Variants in ERBB4 observed in about 807,000 individuals in gnomAD.
ERBB4 encodes the protein receptor tyrosine-protein kinase erbB-4.
A neutral mutation model predicts 158.0 loss-of-function variants in ERBB4; 42 were observed. The ratio of observed to expected loss-of-function variants is 0.27; its 90% CI spans 0.21 to 0.34. ERBB4 has a LOEUF of 0.34. Among genes scored for constraint, ERBB4 ranks in the 10% least tolerant of loss-of-function variants. The pLI is 1.00. For missense variants in ERBB4, 1,333 were observed against 1,624.1 expected (o/e 0.82, Z 3.08); for synonymous variants, 583 against 558.7 (o/e 1.04, Z -0.61).
At chr2:211,835,180 T>C (rs2077313252) in intron 3 of ERBB4, among the ~76,000 whole-genome samples, 1 of 152,134 alleles carries the variant, frequency 6.6e-6, no homozygotes, top group Non-Finnish European at 1.5e-5. Context: ...CTCTGCTTCA[T>C]TAACCATCTC....
chr2:212,310,447 T>TC (rs2086989002), intron 1 of ERBB4, among the ~76,000 whole-genome samples: 1 of 150,762 alleles, frequency 6.6e-6, no homozygotes, highest in South Asian at 2.1e-4. Context: ...TATTTGTTTT[T>TC]CTTTTTCATG....
chr2:211,968,072 T>C (rs1224587824), intron 2 of ERBB4, among the ~76,000 whole-genome samples: 5 of 152,032 alleles, frequency 3.3e-5, no homozygotes, highest in African/African-American at 1.2e-4. Context: ...AGAATATTCA[T>C]ATTAACTTAC....
At chr2:212,496,945 C>T (rs930267632) in intron 1 of ERBB4, among the ~76,000 whole-genome samples, 4 of 151,814 alleles carry the variant, frequency 2.6e-5, no homozygotes, top group African/African-American at 9.7e-5. Context: ...TTTGGGAGGC[C>T]GATGGGGGTG....
chr2:211,750,746 T>A (rs757175381), intron 4 of ERBB4, 42 bp from the exon 5 acceptor site: 10 of 1,535,998 alleles, frequency 6.5e-6, no homozygotes, highest in Non-Finnish European at 9.0e-6. Flanking sequence ...CACGTTATAA[T>A]CTTTCACTCC....
At chr2:211,969,761 A>G (rs1373748440) in intron 2 of ERBB4, among the ~76,000 whole-genome samples, 1 of 151,902 alleles carries the variant, frequency 6.6e-6, no homozygotes, top group Non-Finnish European at 1.5e-5. Flanking sequence ...GTCATTTTTT[A>G]CTGTGTTTAT....
intron 3 of ERBB4, among the ~76,000 whole-genome samples, chr2:211,789,698 G>A (rs2076240190): frequency 6.6e-6 from 1 of 152,144 alleles, no homozygotes; most frequent in Admixed American, 6.6e-5. Context: ...TATTGGGAAG[G>A]CAACCGACAC....
intron 1 of ERBB4, among the ~76,000 whole-genome samples, chr2:212,377,917 C>A (rs576584029): frequency 1.3e-5 from 2 of 151,808 alleles, no homozygotes; most frequent in East Asian, 3.9e-4. Context: ...AAAATATTTT[C>A]TTTCTTTATA....
chr2:211,709,191 T>G (rs193025243), intron 9 of ERBB4, among the ~76,000 whole-genome samples: 120 of 149,250 alleles, frequency 8.0e-4, no homozygotes, highest in Admixed American at 6.7e-3. Context: ...TATTAAACTT[T>G]CCTCCACTCT....
intron 4 of ERBB4, among the ~76,000 whole-genome samples, chr2:211,768,284 C>A (rs555031136): frequency 6.6e-6 from 1 of 152,326 alleles, no homozygotes; most frequent in Admixed American, 6.5e-5. Flanking sequence ...CTCCTGGCTG[C>A]TTTCAAGGCC....
intron 20 of ERBB4, among the ~76,000 whole-genome samples, chr2:211,542,812 C>T (rs997288689): frequency 1.3e-5 from 2 of 151,892 alleles, no homozygotes; most frequent in African/African-American, 4.8e-5. Context: ...GGAGTGATTT[C>T]TTTGGAGTTC....
At chr2:211,681,355 T>C (rs2072325156) in intron 12 of ERBB4, among the ~76,000 whole-genome samples, 1 of 152,186 alleles carries the variant, frequency 6.6e-6, no homozygotes, top group South Asian at 2.1e-4. Flanking sequence ...GCATACACTT[T>C]CTTGTCCTTT....
chr2:212,426,181 T>C, intron 1 of ERBB4: 1 of 451,246 alleles, frequency 2.2e-6, no homozygotes, highest in Non-Finnish European at 4.4e-6. Context: ...ATATCACTCT[T>C]TATAGAAGGC....
intron 1 of ERBB4, among the ~76,000 whole-genome samples, chr2:212,261,337 C>T (rs544973157): frequency 7.2e-5 from 11 of 152,062 alleles, no homozygotes; most frequent in South Asian, 2.1e-4. Flanking sequence ...CAGATGACGA[C>T]GAACAACTTA....
At position 211,673,110 on chromosome 2, in the gene ERBB4, C is replaced by G. The variant is rs1344779413; in HGVS notation, c.1716+54G>C. ...GAATAAATGATAAAATAATAACAAA[C>G]ATTCATACATGATACTAAATAAGCC... is the stretch of plus-strand genomic sequence containing the variant. On this transcript the variant is annotated intron_variant, in intron 14 of 27. Coordinates refer to ENST00000342788, the MANE Select transcript of ERBB4 (RefSeq NM_005235.3). The G allele has an allele frequency of 1.3e-5, 16 of 1,246,276 alleles. No homozygotes were observed. The African/African-American group carries it at 1.5e-4, about 11-fold the overall frequency. 77.2% of individuals were successfully genotyped at this position (1,246,276 alleles called of 1,614,324 possible).
At chr2:211,674,834 T>G (rs10183757) in intron 13 of ERBB4, among the ~76,000 whole-genome samples, 1,604 of 152,042 alleles carry the variant, frequency 0.011, 32 homozygotes, top group African/African-American at 0.037. Flanking sequence ...GATTAAAAGT[T>G]TATGGTACTA....
intron 12 of ERBB4, among the ~76,000 whole-genome samples, chr2:211,690,184 T>C (rs1474247138): frequency 6.6e-6 from 1 of 151,918 alleles, no homozygotes; most frequent in Non-Finnish European, 1.5e-5. Flanking sequence ...CTTGAGGACA[T>C]TGACAAGGTC....
chr2:211,392,935 G>A (rs144469962), intron 25 of ERBB4, among the ~76,000 whole-genome samples: 195 of 152,184 alleles, frequency 1.3e-3, no homozygotes, highest in African/African-American at 4.6e-3. Flanking sequence ...GATTACAGAC[G>A]TGAGCCACCG....
chr2:211,962,744 C>CA (rs2081212354), intron 2 of ERBB4, among the ~76,000 whole-genome samples: 1 of 151,904 alleles, frequency 6.6e-6, no homozygotes, highest in Non-Finnish European at 1.5e-5. Context: ...AGGTGGAATA[C>CA]AAAAATACTT....
intron 19 of ERBB4, among the ~76,000 whole-genome samples, chr2:211,613,742 A>T (rs2069284164): frequency 6.6e-6 from 1 of 151,948 alleles, no homozygotes; most frequent in Non-Finnish European, 1.5e-5. Flanking sequence ...AAAATGGCTT[A>T]ATACTTACAT....
Sources: allele counts gnomAD v4.1 joint callset (sites outside exome capture counted in the v4.1 genomes callset), GRCh38; gene constraint gnomAD v4.1.1; transcripts MANE v1.5; gene names NCBI Gene and HGNC (gene_info 2026-07-23, HGNC 2026-07-21).